ADAMTS20: variants seen among roughly 807,000 people sequenced by gnomAD.
ADAMTS20 encodes A disintegrin and metalloproteinase with thrombospondin motifs 20.
ADAMTS20 carries 225 observed loss-of-function variants against 260.1 expected under a neutral mutation model. The observed-to-expected ratio is 0.87, with a 90% CI of 0.78 to 0.97. The LOEUF (loss-of-function observed/expected upper bound fraction) is 0.97, where lower values mean the gene tolerates loss of function less well. Ranked by LOEUF, ADAMTS20 falls within the 50% of genes least tolerant of loss-of-function variation. ADAMTS20 has a pLI of 0.00. For missense variants in ADAMTS20, 2,400 were observed against 2,337.7 expected, an observed-to-expected ratio of 1.03 and a Z score of -0.55; for synonymous variants, 802 against 769.5, an observed-to-expected ratio of 1.04 and a Z score of -0.70.
At chr12:43,534,565 T>G (rs1258028792) in intron 2 of ADAMTS20, among the ~76,000 whole-genome samples, 1 of 152,170 alleles carries the variant, frequency 6.6e-6, no homozygotes, top group African/African-American at 2.4e-5. Flanking sequence ...ATATTGGAAC[T>G]ACTTCAAAAG....
At chr12:43,472,618 T>A (rs2137396638) in intron 7 of ADAMTS20, among the ~76,000 whole-genome samples, 2 of 130,154 alleles carry the variant, frequency 1.5e-5, no homozygotes, top group South Asian at 5.8e-4. Flanking sequence ...GGGAAGCCCA[T>A]CAGACTAACA....
chr12:43,488,267 T>A (rs1942552838), intron 7 of ADAMTS20, among the ~76,000 whole-genome samples: 1 of 152,130 alleles, frequency 6.6e-6, no homozygotes, highest in African/African-American at 2.4e-5. Flanking sequence ...TAAACTTATG[T>A]GTTATATGGT....
intron 2 of ADAMTS20, among the ~76,000 whole-genome samples, chr12:43,549,251 A>T (rs1264203778): frequency 2.6e-5 from 4 of 151,788 alleles, no homozygotes; most frequent in Admixed American, 1.3e-4. Flanking sequence ...CATTATAAAA[A>T]TATTAATATT....
At chr12:43,493,044 C>T (rs1330166673) in intron 5 of ADAMTS20, 126 bp downstream of exon 5, 1 of 697,642 alleles carries the variant, frequency 1.4e-6, no homozygotes, top group East Asian at 2.8e-5. Flanking sequence ...AATCTCATTC[C>T]TTCTCAAATC....
chr12:43,462,103 A>G (rs953077180), intron 11 of ADAMTS20, among the ~76,000 whole-genome samples: 2 of 152,248 alleles, frequency 1.3e-5, no homozygotes, highest in African/African-American at 4.8e-5. Context: ...AAGAAGTGGT[A>G]AAGGCAAAGT....
chr12:43,438,623 TC>T (rs1421266530), intron 18 of ADAMTS20, among the ~76,000 whole-genome samples: 2 of 152,168 alleles, frequency 1.3e-5, no homozygotes. Context: ...TGGCACCTCG[TC>T]AGGTCAGATG....
chr12:43,382,520 AT>A, intron 31 of ADAMTS20, among the ~76,000 whole-genome samples: 1 of 152,032 alleles, frequency 6.6e-6, no homozygotes, highest in Non-Finnish European at 1.5e-5. Flanking sequence ...GGGTGCAGAT[AT>A]TTTTTTGGGA....
At position 43,388,212 on chromosome 12, in the gene ADAMTS20, T is replaced by C. The variant is rs139331792; in HGVS notation, c.4453-4235A>G. Among the ~76,000 whole-genome samples the C allele has an allele frequency of 3.9e-3, 586 of 152,146 alleles. 1 individual carries two copies. Among genetic ancestry groups the C allele is most frequent in the Middle Eastern group, 6.8e-3 (2 of 294 alleles). ...GGTTGCAAAGACCAGGGGAAAAGCATAGTATCCGGGCCAGATAGGACCGTC... is the reference window on the plus strand; with the variant it reads ...GGTTGCAAAGACCAGGGGAAAAGCACAGTATCCGGGCCAGATAGGACCGTC... On this transcript the variant is annotated intron_variant, in intron 29 of 38. Transcript: ENST00000389420.
At chr12:43,471,329 G>A (rs1266496395) in intron 7 of ADAMTS20, among the ~76,000 whole-genome samples, 2 of 150,306 alleles carry the variant, frequency 1.3e-5, no homozygotes, top group Non-Finnish European at 1.5e-5. Context: ...TGGCTCGGAG[G>A]GTCCTACGCC....
At chr12:43,372,616 T>C (rs930623640) in intron 36 of ADAMTS20, among the ~76,000 whole-genome samples, 3 of 152,168 alleles carry the variant, frequency 2.0e-5, no homozygotes, top group Non-Finnish European at 4.4e-5. Flanking sequence ...AGAAATAAAA[T>C]GTTTCTCTAT....
intron 2 of ADAMTS20, among the ~76,000 whole-genome samples, chr12:43,548,155 A>G (rs1943465759): frequency 6.6e-6 from 1 of 152,198 alleles, no homozygotes; most frequent in South Asian, 2.1e-4. Flanking sequence ...AAACTACAAC[A>G]TCCATTCATG....
chr12:43,471,142 G>A (rs971421804), intron 7 of ADAMTS20, among the ~76,000 whole-genome samples: 14 of 152,306 alleles, frequency 9.2e-5, no homozygotes, highest in African/African-American at 3.1e-4. Flanking sequence ...CCGTGCGAGA[G>A]CCGAAGCAGG....
chr12:43,541,419 G>A (rs375568918), intron 2 of ADAMTS20, among the ~76,000 whole-genome samples: 3 of 152,072 alleles, frequency 2.0e-5, no homozygotes, highest in African/African-American at 7.2e-5. Flanking sequence ...AATAATAGGA[G>A]CTTCAATAAT....
At chr12:43,461,052 G>A (rs867877262) in intron 11 of ADAMTS20, among the ~76,000 whole-genome samples, 9 of 134,742 alleles carry the variant, frequency 6.7e-5, no homozygotes, top group Admixed American at 5.8e-4. Context: ...GTGCAAAGGC[G>A]TGATCTCGGC....
In ADAMTS20 at chr12:43,377,373, A is replaced by C. The variant is rs148941512; in HGVS notation, c.4987T>G (p.Trp1663Gly). Reference sequence around the variant, plus strand: ...CATAATTGTACACCGACCTTGCTCCATTTTCCAACTTTCCAAGTGGCCAAA... The same window carrying C: ...CATAATTGTACACCGACCTTGCTCCCTTTTCCAACTTTCCAAGTGGCCAAA... ...LHLATWKVGK[W>G]SKCSVTCGIG... The change falls in exon 32 of 39, where the codon TGG becomes GGG. Residue 1663 changes from tryptophan (W) to glycine (G), a missense_variant. Trp to Gly is a radical substitution (Grantham distance 184). Transcript: ENST00000389420. 155 of 1,611,464 alleles carry C rather than the reference A, an allele frequency of 9.6e-5. 1 individual carries two copies. In the East Asian group the frequency reaches 3.5e-3, roughly 36 times the overall value.
intron 8 of ADAMTS20, among the ~76,000 whole-genome samples, chr12:43,467,287 C>A (rs1340388626): frequency 1.3e-5 from 2 of 152,036 alleles, no homozygotes; most frequent in African/African-American, 4.8e-5. Context: ...TAGGTCCATA[C>A]TTCCTAAGTG....
chr12:43,391,022 A>G (rs2137238991), intron 29 of ADAMTS20, among the ~76,000 whole-genome samples: 1 of 152,282 alleles, frequency 6.6e-6, no homozygotes, highest in South Asian at 2.1e-4. Context: ...CCATAAACTC[A>G]TGGCTTATAA....
At chr12:43,462,111 A>T (rs1284299031) in intron 11 of ADAMTS20, among the ~76,000 whole-genome samples, 1 of 152,244 alleles carries the variant, frequency 6.6e-6, no homozygotes, top group African/African-American at 2.4e-5. Flanking sequence ...GTAAAGGCAA[A>T]GTTCAGCTAC....
chr12:43,412,779 T>A (rs1239346964), intron 28 of ADAMTS20, among the ~76,000 whole-genome samples: 20 of 151,772 alleles, frequency 1.3e-4, no homozygotes, highest in African/African-American at 4.4e-4. Flanking sequence ...AGATAGATTC[T>A]CTAGTTAGCA....
Sources: gnomAD v4.1 joint callset for allele counts (sites outside exome capture counted in the v4.1 genomes callset) on GRCh38, gnomAD v4.1.1 for gene constraint, MANE v1.5 for transcripts, NCBI Gene and HGNC (gene_info 2026-07-23, HGNC 2026-07-21) for gene names.